SEMA6D: variants seen among roughly 807,000 people sequenced by gnomAD.
SEMA6D encodes the protein semaphorin-6D.
In SEMA6D, 35 loss-of-function variants were observed where a neutral mutation model predicts 106.6. The ratio of observed to expected loss-of-function variants is 0.33; its 90% confidence interval spans 0.25 to 0.44. The LOEUF (loss-of-function observed/expected upper bound fraction) is 0.44. Among genes scored for constraint, SEMA6D ranks in the 20% least tolerant of loss-of-function variants. The probability of loss-of-function intolerance (pLI) is 1.00; values close to 1 mark genes in which losing one functional copy is unlikely to be tolerated. For missense variants in SEMA6D, 1,185 were observed against 1,345.9 expected (o/e 0.88, Z 1.87); for synonymous variants, 499 against 487.7 (o/e 1.02, Z -0.31).
chr15:47,249,276 G>A (rs1317345705), intron 1 of SEMA6D, among the ~76,000 whole-genome samples: 1 of 152,026 alleles, frequency 6.6e-6, no homozygotes, highest in East Asian at 1.9e-4. Context: ...TGGACTAGCT[G>A]TGCTCTAGGA....
chr15:47,317,697 G>T (rs140385065), intron 1 of SEMA6D, among the ~76,000 whole-genome samples: 3 of 152,170 alleles, frequency 2.0e-5, no homozygotes, highest in African/African-American at 7.2e-5. Context: ...CGTATTGCTC[G>T]CATGGTTTCT....
intron 1 of SEMA6D, among the ~76,000 whole-genome samples, chr15:47,376,689 C>T (rs921311878): frequency 2.6e-5 from 4 of 152,174 alleles, no homozygotes; most frequent in African/African-American, 9.7e-5. Context: ...GGAGCACTGG[C>T]TCTTTATTAG....
intron 3 of SEMA6D, among the ~76,000 whole-genome samples, chr15:47,561,178 C>G (rs943189755): frequency 1.3e-5 from 2 of 151,938 alleles, no homozygotes; most frequent in Admixed American, 1.3e-4. Context: ...CAAGGAGATT[C>G]ATATCTGGAC....
intron 1 of SEMA6D, among the ~76,000 whole-genome samples, chr15:47,338,144 G>A (rs2037648644): frequency 1.3e-5 from 2 of 152,156 alleles, no homozygotes; most frequent in African/African-American, 4.8e-5. Flanking sequence ...TGACACAGTA[G>A]CAATTAAAAT....
chr15:47,509,163 G>A (rs2044144539), intron 3 of SEMA6D, among the ~76,000 whole-genome samples: 1 of 152,074 alleles, frequency 6.6e-6, no homozygotes, highest in South Asian at 2.1e-4. Flanking sequence ...CTTAACTTCA[G>A]GGCTACAGTC....
In SEMA6D at chr15:47,730,498, G is replaced by C. The variant is rs1010259411; in HGVS notation, c.-55+12806G>C. 5 of 1,288,782 alleles carry C rather than the reference G, an allele frequency of 3.9e-6. No homozygotes were observed. In the African/African-American group the frequency reaches 7.3e-5, roughly 19 times the overall value. The allele number at this position is 1,288,782 out of a possible 1,614,324, so 79.8% of individuals were successfully genotyped here. The stretch of plus-strand genomic sequence containing the variant: ...TCAGCACCAGCTGAGCTTTCTTATT[G>C]TCCACCAAGGTGGTGACGGTGTCAA... On this transcript the variant is annotated intron_variant, in intron 1 of 18. Coordinates refer to ENST00000536845, the MANE Select transcript of SEMA6D (RefSeq NM_001358351.3).
chr15:47,541,778 C>T (rs1486881930), intron 3 of SEMA6D, among the ~76,000 whole-genome samples: 1 of 152,048 alleles, frequency 6.6e-6, no homozygotes, highest in African/African-American at 2.4e-5. Context: ...GTTAGCAATC[C>T]AAAAAGAGCT....
chr15:47,665,470 G>T (rs2078008174), intron 4 of SEMA6D, among the ~76,000 whole-genome samples: 1 of 152,156 alleles, frequency 6.6e-6, no homozygotes, highest in Non-Finnish European at 1.5e-5. Flanking sequence ...GTTAGAGAAA[G>T]GGCATGGGCA....
At chr15:47,265,594 C>T (rs1483512424) in intron 1 of SEMA6D, among the ~76,000 whole-genome samples, 1 of 151,874 alleles carries the variant, frequency 6.6e-6, no homozygotes, top group Non-Finnish European at 1.5e-5. Flanking sequence ...TCTGTTTACT[C>T]TCATGGGAAG....
At chr15:47,552,907 A>AAAT (rs2045799078) in intron 3 of SEMA6D, among the ~76,000 whole-genome samples, 13 of 22,838 alleles carry the variant, frequency 5.7e-4, no homozygotes, top group Admixed American at 1.5e-3. Flanking sequence ...TATATATATA[A>AAAT]ATATATATAT....
intron 4 of SEMA6D, among the ~76,000 whole-genome samples, chr15:47,628,613 A>C (rs1018433416): frequency 6.6e-6 from 1 of 151,648 alleles, no homozygotes; most frequent in Non-Finnish European, 1.5e-5. Context: ...GACAGTTTTT[A>C]ATTGTTTTGA....
At chr15:47,391,688 A>G (rs1284699807) in intron 1 of SEMA6D, among the ~76,000 whole-genome samples, 1 of 150,896 alleles carries the variant, frequency 6.6e-6, no homozygotes, top group Non-Finnish European at 1.5e-5. Flanking sequence ...AGAGGAGTGA[A>G]ACTAGCTATT....
At chr15:47,649,262 CAG>C (rs1206744550) in intron 4 of SEMA6D, among the ~76,000 whole-genome samples, 2 of 152,102 alleles carry the variant, frequency 1.3e-5, no homozygotes, top group Admixed American at 1.3e-4. Flanking sequence ...AGACGCATCT[CAG>C]ATACATATCT....
At chr15:47,566,724 A>G (rs2046240245) in intron 3 of SEMA6D, among the ~76,000 whole-genome samples, 1 of 152,208 alleles carries the variant, frequency 6.6e-6, no homozygotes, top group African/African-American at 2.4e-5. Context: ...CACATATGGA[A>G]AGGGCAATGA....
intron 1 of SEMA6D, among the ~76,000 whole-genome samples, chr15:47,755,675 C>A (rs1013824482): frequency 6.6e-6 from 1 of 151,626 alleles, no homozygotes; most frequent in Non-Finnish European, 1.5e-5. Context: ...TTGTCAGAGG[C>A]CCAAATGATA....
intron 3 of SEMA6D, among the ~76,000 whole-genome samples, chr15:47,501,187 C>G (rs1377312827): frequency 6.6e-6 from 1 of 152,094 alleles, no homozygotes; most frequent in Non-Finnish European, 1.5e-5. Flanking sequence ...TTTCATGGTT[C>G]CACTCCTGAG....
intron 3 of SEMA6D, among the ~76,000 whole-genome samples, chr15:47,533,185 G>A (rs1486383934): frequency 6.6e-6 from 1 of 152,188 alleles, no homozygotes; most frequent in Non-Finnish European, 1.5e-5. Flanking sequence ...CCTGCCTAAT[G>A]CATCTGTAGA....
Position 47,344,336 on chromosome 15 carries a change from C to T in SEMA6D, c.-238-68057C>T, listed in dbSNP as rs139145987. 1.6e-4 allele frequency among the ~76,000 whole-genome samples: 25 copies of T among 152,238 alleles called. No homozygotes were observed. In the South Asian group the frequency reaches 4.4e-3, roughly 27 times the overall value. On this transcript the variant is annotated intron_variant, in intron 1 of 19. Transcript: ENST00000558014. ...GATAAAGTAAAAAGGAATAGATTTA[C>T]ACTCCTGTGTGAAACAATCAAATAA...
In SEMA6D at chr15:47,587,822, G is replaced by C. The variant is rs552857315; in HGVS notation, c.-86-13043G>C. On this transcript the variant is annotated intron_variant, in intron 3 of 19. Coordinates refer to the SEMA6D transcript ENST00000558014. Reference sequence around the variant, plus strand: ...TTTTTTTTAATTGAGATGTCACTTTGACATTTCGGATTTCAGTAAATACTA... The same window carrying C: ...TTTTTTTTAATTGAGATGTCACTTTCACATTTCGGATTTCAGTAAATACTA... 3.8e-4 allele frequency among the ~76,000 whole-genome samples: 58 copies of C among 150,656 alleles called. 1 individual carries two copies. The highest frequency in any genetic ancestry group is 1.3e-3 in the South Asian group (6 of 4,760).
Sources: allele counts gnomAD v4.1 joint callset (sites outside exome capture counted in the v4.1 genomes callset), GRCh38; gene constraint gnomAD v4.1.1; transcripts MANE v1.5; gene names NCBI Gene and HGNC (gene_info 2026-07-23, HGNC 2026-07-21).